KHDRBS2: variants seen among roughly 807,000 people sequenced by gnomAD.
KHDRBS2 encodes KH domain-containing, RNA-binding, signal transduction-associated protein 2.
Under a neutral mutation model 44.3 loss-of-function variants are expected in KHDRBS2, and 26 were observed. That is an observed-to-expected ratio of 0.59 (90% CI 0.43 to 0.81). KHDRBS2 has a LOEUF of 0.81. Ranked by LOEUF, KHDRBS2 falls within the 40% of genes least tolerant of loss-of-function variation. The probability of loss-of-function intolerance (pLI) is 0.00; values close to 1 mark genes in which losing one functional copy is unlikely to be tolerated. For missense variants in KHDRBS2, 476 were observed against 433.1 expected, an observed-to-expected ratio of 1.10 and a Z score of -0.88; for synonymous variants, 194 against 151.1, an observed-to-expected ratio of 1.28 and a Z score of -2.08.
intron 4 of KHDRBS2, among the ~76,000 whole-genome samples, chr6:61,925,074 A>T (rs948841719): frequency 8.5e-5 from 13 of 152,160 alleles, no homozygotes; most frequent in Non-Finnish European, 1.9e-4. Context: ...GGTGCCTCAA[A>T]TAGCATGTAA....
chr6:61,772,803 A>C (rs562628145), intron 6 of KHDRBS2, among the ~76,000 whole-genome samples: 2 of 151,940 alleles, frequency 1.3e-5, no homozygotes, highest in South Asian at 4.2e-4. Context: ...CCCCAACTCC[A>C]CAACAGTCCC....
At chr6:61,882,165 A>G (rs1800296069) in intron 6 of KHDRBS2, among the ~76,000 whole-genome samples, 1 of 151,998 alleles carries the variant, frequency 6.6e-6, no homozygotes, top group East Asian at 1.9e-4. Context: ...AAAAGTAGGA[A>G]AGGTTTCAGG....
the KHDRBS2 span, among the ~76,000 whole-genome samples, chr6:61,654,743 G>A: frequency 6.6e-6 from 1 of 151,286 alleles, no homozygotes; most frequent in African/African-American, 2.4e-5. Flanking sequence ...CTAAGCTGGA[G>A]GGACACAGGA....
chr6:61,676,811 G>T (rs888159643), downstream of KHDRBS2, among the ~76,000 whole-genome samples: 8 of 151,770 alleles, frequency 5.3e-5, no homozygotes, highest in Admixed American at 1.3e-4. Context: ...ACAGTGTATA[G>T]AACCCATATT....
chr6:62,104,072 G>A (rs1481876621), intron 2 of KHDRBS2, among the ~76,000 whole-genome samples: 6 of 152,082 alleles, frequency 3.9e-5, no homozygotes, highest in Non-Finnish European at 7.4e-5. Context: ...AAATATATAG[G>A]ATTTTTATTG....
At chr6:62,093,722 T>C (rs1372757140) in intron 2 of KHDRBS2, among the ~76,000 whole-genome samples, 1 of 151,918 alleles carries the variant, frequency 6.6e-6, no homozygotes, top group Non-Finnish European at 1.5e-5. Context: ...TAGATTCCCA[T>C]TTAATAAACT....
chr6:61,942,093 T>G (rs1812246915), intron 4 of KHDRBS2, among the ~76,000 whole-genome samples: 1 of 140,048 alleles, frequency 7.1e-6, no homozygotes, highest in Non-Finnish European at 1.6e-5. Flanking sequence ...CCTGAGTAGC[T>G]AGGACTATAA....
intron 4 of KHDRBS2, among the ~76,000 whole-genome samples, chr6:61,934,149 G>A (rs1317884559): frequency 4.6e-5 from 7 of 151,542 alleles, no homozygotes; most frequent in African/African-American, 7.3e-5. Context: ...GTTATTTGTC[G>A]GGTTTTTTTT....
At chr6:61,859,896 A>T (rs1796673897) in intron 6 of KHDRBS2, among the ~76,000 whole-genome samples, 1 of 152,038 alleles carries the variant, frequency 6.6e-6, no homozygotes, top group Non-Finnish European at 1.5e-5. Flanking sequence ...CAAATATCAT[A>T]TTAAAAGAAA....
At chr6:62,109,152 T>C (rs1445875865) in intron 2 of KHDRBS2, among the ~76,000 whole-genome samples, 1 of 150,262 alleles carries the variant, frequency 6.7e-6, no homozygotes, top group Non-Finnish European at 1.5e-5. Context: ...CAAGGGACGG[T>C]TGTCCTAGAA....
At chr6:62,012,640 T>G (rs767894722) in intron 3 of KHDRBS2, among the ~76,000 whole-genome samples, 3 of 152,172 alleles carry the variant, frequency 2.0e-5, no homozygotes, top group Non-Finnish European at 4.4e-5. Context: ...CCTTTTGGTC[T>G]TTGCATTCAC....
chr6:62,239,831 GC>G (rs1266894437), intron 1 of KHDRBS2, among the ~76,000 whole-genome samples: 3 of 151,768 alleles, frequency 2.0e-5, no homozygotes, highest in Non-Finnish European at 4.4e-5. Context: ...GATTACAGGT[GC>G]CCACCACCAT....
intron 6 of KHDRBS2, among the ~76,000 whole-genome samples, chr6:61,763,619 G>T (rs888357719): frequency 2.0e-5 from 3 of 152,032 alleles, no homozygotes; most frequent in Non-Finnish European, 4.4e-5. Context: ...ACCTTTACAG[G>T]TATCATATTT....
At chr6:62,270,968 A>G (rs551989163) in intron 1 of KHDRBS2, among the ~76,000 whole-genome samples, 3 of 152,260 alleles carry the variant, frequency 2.0e-5, no homozygotes, top group African/African-American at 7.2e-5. Context: ...TGTTTTTTCT[A>G]CTATAACGGT....
chr6:61,848,594 C>CT (rs531614718), intron 6 of KHDRBS2, among the ~76,000 whole-genome samples: 6 of 85,482 alleles, frequency 7.0e-5, no homozygotes, highest in South Asian at 4.3e-4. Flanking sequence ...TATATATATA[C>CT]TTTTTTTTAA....
intron 1 of KHDRBS2, among the ~76,000 whole-genome samples, chr6:62,224,411 T>G (rs1466180568): frequency 2.6e-5 from 4 of 152,090 alleles, no homozygotes; most frequent in African/African-American, 9.7e-5. Flanking sequence ...TCAGTGGGTG[T>G]GTGTGTGTGT....
intron 6 of KHDRBS2, among the ~76,000 whole-genome samples, chr6:61,885,809 A>G (rs1800868116): frequency 6.6e-6 from 1 of 152,038 alleles, no homozygotes; most frequent in Non-Finnish European, 1.5e-5. Flanking sequence ...TCCCACAGCC[A>G]TGGAGGGAGC....
chr6:61,942,325 A>G (rs1282431558), intron 4 of KHDRBS2, among the ~76,000 whole-genome samples: 1 of 152,174 alleles, frequency 6.6e-6, no homozygotes, highest in Non-Finnish European at 1.5e-5. Flanking sequence ...GAATTAATAC[A>G]AAGAAATCAG....
At chr6:61,551,213 G>A in the KHDRBS2 span, among the ~76,000 whole-genome samples, 1 of 152,204 alleles carries the variant, frequency 6.6e-6, no homozygotes, top group East Asian at 1.9e-4. Flanking sequence ...CAATGGGGTT[G>A]ATTGTTTTTT....
Sources: gnomAD v4.1 joint callset for allele counts (sites outside exome capture counted in the v4.1 genomes callset) on GRCh38, gnomAD v4.1.1 for gene constraint, MANE v1.5 for transcripts, NCBI Gene and HGNC (gene_info 2026-07-23, HGNC 2026-07-21) for gene names.